The following GALNT7 variants were observed in gnomAD, a reference collection of about 807,000 sequenced individuals.
GALNT7 encodes polypeptide N-acetylgalactosaminyltransferase 7, also known as N-acetylgalactosaminyltransferase 7.
GALNT7 carries 60 observed loss-of-function variants against 82.1 expected under a neutral mutation model. The ratio of observed to expected loss-of-function variants is 0.73; its 90% CI spans 0.59 to 0.91. GALNT7 has a LOEUF of 0.91. Among genes scored for constraint, GALNT7 ranks in the 40% least tolerant of loss-of-function variants. GALNT7 has a pLI of 0.00. For synonymous variants in GALNT7, 243 were observed against 275.1 expected (o/e 0.88, Z 1.15); for missense variants, 660 against 804.2 (o/e 0.82, Z 2.17).
At chr4:173,248,814 C>G (rs147753963) in intron 2 of GALNT7, among the ~76,000 whole-genome samples, 2 of 152,190 alleles carry the variant, frequency 1.3e-5, no homozygotes, top group Admixed American at 1.3e-4. Context: ...AATAGCAAAA[C>G]TTCCTTGATT....
intron 2 of GALNT7, among the ~76,000 whole-genome samples, chr4:173,279,298 C>T (rs1736025106): frequency 6.6e-6 from 1 of 152,022 alleles, no homozygotes; most frequent in Non-Finnish European, 1.5e-5. Context: ...GGGTAAGCTA[C>T]ACATTTTTAA....
At chr4:173,262,175 G>A (rs905754813) in intron 2 of GALNT7, among the ~76,000 whole-genome samples, 2 of 152,044 alleles carry the variant, frequency 1.3e-5, no homozygotes, top group Non-Finnish European at 1.5e-5. Context: ...CAAAAGGGGG[G>A]AGCATTTTAA....
chr4:173,187,617 T>C (rs1410124414), intron 1 of GALNT7, among the ~76,000 whole-genome samples: 1 of 152,228 alleles, frequency 6.6e-6, no homozygotes, highest in Non-Finnish European at 1.5e-5. Context: ...CAGTTACTTG[T>C]TTCACTATCT....
At chr4:173,220,217 T>A (rs1452254879) in intron 1 of GALNT7, among the ~76,000 whole-genome samples, 1 of 152,180 alleles carries the variant, frequency 6.6e-6, no homozygotes, top group Non-Finnish European at 1.5e-5. Flanking sequence ...TACATGTGAT[T>A]TGCCATTTAG....
intron 1 of GALNT7, among the ~76,000 whole-genome samples, chr4:173,239,658 T>C (rs1177282428): frequency 1.3e-5 from 2 of 152,196 alleles, no homozygotes. Flanking sequence ...TGAACTATTG[T>C]GTAGTTAATG....
At chr4:173,281,590 C>T (rs1454362227) in intron 2 of GALNT7, among the ~76,000 whole-genome samples, 7 of 152,186 alleles carry the variant, frequency 4.6e-5, no homozygotes, top group Non-Finnish European at 2.9e-5. Context: ...GGAGACTGCA[C>T]AGCAGATGTG....
At chr4:173,193,632 A>G (rs949993845) in intron 1 of GALNT7, among the ~76,000 whole-genome samples, 1 of 152,190 alleles carries the variant, frequency 6.6e-6, no homozygotes, top group African/African-American at 2.4e-5. Flanking sequence ...ACTGTGATAT[A>G]TAGTATGAAA....
At chr4:173,176,762 A>G (rs1217279652) in intron 1 of GALNT7, among the ~76,000 whole-genome samples, 13 of 152,198 alleles carry the variant, frequency 8.5e-5, no homozygotes, top group Non-Finnish European at 1.6e-4. Flanking sequence ...CCTGGGGACT[A>G]CATGGCTGAA....
intron 1 of GALNT7, among the ~76,000 whole-genome samples, chr4:173,187,624 A>G (rs997237541): frequency 3.3e-5 from 5 of 152,244 alleles, no homozygotes; most frequent in Middle Eastern, 3.2e-3. Flanking sequence ...TTGTTTCACT[A>G]TCTCTTCCCT....
intron 1 of GALNT7, among the ~76,000 whole-genome samples, chr4:173,236,609 T>G (rs995292065): frequency 2.0e-5 from 3 of 152,208 alleles, no homozygotes; most frequent in Non-Finnish European, 2.9e-5. Context: ...CCTTCTGTTA[T>G]AGCAAATGAT....
intron 6 of GALNT7, among the ~76,000 whole-genome samples, chr4:173,298,830 C>T (rs1736814401): frequency 6.6e-6 from 1 of 152,178 alleles, no homozygotes; most frequent in African/African-American, 2.4e-5. Context: ...TGATGAATCA[C>T]AATACATGAC....
At chr4:173,288,467 T>G (rs1251707059) in intron 2 of GALNT7, among the ~76,000 whole-genome samples, 1 of 151,804 alleles carries the variant, frequency 6.6e-6, no homozygotes, top group African/African-American at 2.4e-5. Context: ...AGACTCCCCA[T>G]GGAGAAAAAA....
At chr4:173,169,855 G>T (rs35794567) in intron 1 of GALNT7, among the ~76,000 whole-genome samples, 4,915 of 152,022 alleles carry the variant, frequency 0.032, 98 homozygotes, top group Non-Finnish European at 0.048. Flanking sequence ...TTGTGTCGGC[G>T]CCCGGCCGCC....
At chr4:173,248,560 A>G (rs969012366) in intron 2 of GALNT7, 120 bp downstream of exon 2, 6 of 674,072 alleles carry the variant, frequency 8.9e-6, no homozygotes, top group Admixed American at 2.9e-5. Context: ...CAAGGAAATA[A>G]GAGGATCTTT....
At chr4:173,301,631 T>G (rs1270816842) in intron 6 of GALNT7, among the ~76,000 whole-genome samples, 1 of 152,168 alleles carries the variant, frequency 6.6e-6, no homozygotes, top group Non-Finnish European at 1.5e-5. Flanking sequence ...ACTTCCATGG[T>G]GTATGGTTTT....
chr4:173,216,725 A>ATTTTTTTTTTT (rs1277080433), intron 1 of GALNT7, among the ~76,000 whole-genome samples: 58 of 8,428 alleles, frequency 6.9e-3, no homozygotes, highest in Non-Finnish European at 0.027. Context: ...ATATATATAT[A>ATTTTTTTTTTT]TATTTTTTTT....
intron 1 of GALNT7, among the ~76,000 whole-genome samples, chr4:173,183,971 C>G (rs570195943): frequency 6.6e-6 from 1 of 151,528 alleles, no homozygotes; most frequent in East Asian, 2.0e-4. Flanking sequence ...GGGTCGCGGC[C>G]GGGCAGAGGC....
intron 1 of GALNT7, among the ~76,000 whole-genome samples, chr4:173,236,168 G>A (rs1467304111): frequency 6.6e-6 from 1 of 152,154 alleles, no homozygotes; most frequent in African/African-American, 2.4e-5. Context: ...AGCTGGGTAG[G>A]AGAGAACCGT....
In GALNT7 at chr4:173,268,695, TA is replaced by T. The variant is rs1259323455; in HGVS notation, c.587+20257del. On this transcript the variant is annotated intron_variant, in intron 2 of 11. Transcript: ENST00000265000. ...ACAGGCGTCCACCACCACGCCCAGCTAATTTTTTTTTTTTTTTGTATTTTTA... is the reference window on the plus strand; with the variant it reads ...ACAGGCGTCCACCACCACGCCCAGCTATTTTTTTTTTTTTTTGTATTTTTA... Among the ~76,000 whole-genome samples the T allele has an allele frequency of 3.3e-5, 5 of 149,876 alleles. No homozygotes were observed. In the East Asian group the frequency reaches 9.8e-4, roughly 29 times the overall value.
Sources: allele counts gnomAD v4.1 joint callset (sites outside exome capture counted in the v4.1 genomes callset), GRCh38; gene constraint gnomAD v4.1.1; transcripts MANE v1.5; gene names NCBI Gene and HGNC (gene_info 2026-07-23, HGNC 2026-07-21).